SMYD3: variants seen among roughly 807,000 people sequenced by gnomAD.
SMYD3 encodes the protein histone-lysine N-methyltransferase SMYD3.
SMYD3 carries 36 observed loss-of-function variants against 57.7 expected under a neutral mutation model. The ratio of observed to expected loss-of-function variants is 0.62; its 90% CI spans 0.48 to 0.82. The LOEUF (loss-of-function observed/expected upper bound fraction) is 0.82. SMYD3 is among the 40% of genes least tolerant of loss of function. The pLI is 0.00. For missense variants in SMYD3, 515 were observed against 538.8 expected (o/e 0.96, Z 0.44); for synonymous variants, 211 against 195.0 (o/e 1.08, Z -0.68).
chr1:246,050,732 T>C (rs183583576), intron 5 of SMYD3, among the ~76,000 whole-genome samples: 85 of 152,298 alleles, frequency 5.6e-4, no homozygotes, highest in Non-Finnish European at 1.2e-3. Context: ...TGTTTGATTA[T>C]GCAGGTGCAC....
At chr1:246,036,714 C>G (rs796250555) in intron 5 of SMYD3, among the ~76,000 whole-genome samples, 16 of 78,238 alleles carry the variant, frequency 2.0e-4, no homozygotes, top group African/African-American at 1.1e-3. Context: ...CCACTAAGCC[C>G]GGCTAATTTT....
At chr1:246,249,884 A>G (rs1405228931) in intron 5 of SMYD3, among the ~76,000 whole-genome samples, 1 of 152,218 alleles carries the variant, frequency 6.6e-6, no homozygotes, top group Non-Finnish European at 1.5e-5. Flanking sequence ...TACTGTTTAT[A>G]TTAAACTTTA....
At chr1:246,444,828 G>A (rs1038070728) in intron 1 of SMYD3, among the ~76,000 whole-genome samples, 1 of 152,148 alleles carries the variant, frequency 6.6e-6, no homozygotes, top group African/African-American at 2.4e-5. Context: ...CAGTCATAAT[G>A]TTCTAAGAAT....
intron 1 of SMYD3, among the ~76,000 whole-genome samples, chr1:246,441,506 C>T (rs2067461444): frequency 6.6e-6 from 1 of 152,234 alleles, no homozygotes; most frequent in Non-Finnish European, 1.5e-5. Flanking sequence ...GCTTTCAAAT[C>T]TTCAAGAGAT....
intron 10 of SMYD3, among the ~76,000 whole-genome samples, chr1:245,851,023 G>T (rs2050945819): frequency 6.6e-6 from 1 of 152,084 alleles, no homozygotes; most frequent in Non-Finnish European, 1.5e-5. Flanking sequence ...TCTATATGAG[G>T]CTTTAAAATA....
intron 5 of SMYD3, among the ~76,000 whole-genome samples, chr1:246,171,229 A>G (rs1223927868): frequency 2.6e-5 from 4 of 152,194 alleles, no homozygotes; most frequent in African/African-American, 7.2e-5. Flanking sequence ...AAAAAAAGGT[A>G]TATTTCTTTT....
intron 1 of SMYD3, among the ~76,000 whole-genome samples, chr1:246,451,825 T>A (rs1467230605): frequency 6.6e-6 from 1 of 152,226 alleles, no homozygotes; most frequent in Non-Finnish European, 1.5e-5. Flanking sequence ...GTCAATAAAA[T>A]TTTTTTACTT....
chr1:245,876,745 A>G (rs2052507421), intron 8 of SMYD3, among the ~76,000 whole-genome samples: 1 of 152,220 alleles, frequency 6.6e-6, no homozygotes, highest in African/African-American at 2.4e-5. Flanking sequence ...CACAGCTGAG[A>G]TGTGGCCTCA....
chr1:246,392,656 C>T lies in SMYD3; in HGVS notation c.165-37562G>A, dbSNP rs186209744. Among the ~76,000 whole-genome samples the T allele has an allele frequency of 4.6e-5, 7 of 152,076 alleles. No individual in the cohort carries two copies. In the East Asian group the frequency reaches 1.4e-3, roughly 30 times the overall value. On this transcript the variant is annotated intron_variant, in intron 1 of 11. Transcript: ENST00000490107. ...AGAGATGTGGTCTCACTCTGTTGCC[C>T]AGGCTGGCCTTGAACTCCAGGCCTC...
chr1:245,864,278 G>A (rs186630657), intron 8 of SMYD3, among the ~76,000 whole-genome samples: 4 of 152,240 alleles, frequency 2.6e-5, no homozygotes, highest in Admixed American at 6.5e-5. Context: ...CAAGATAAAT[G>A]AACATGTATG....
At chr1:246,319,884 T>C (rs193160004) in intron 5 of SMYD3, among the ~76,000 whole-genome samples, 6 of 152,324 alleles carry the variant, frequency 3.9e-5, no homozygotes, top group African/African-American at 1.2e-4. Context: ...AAAAAAGTCA[T>C]TTAGTAATTT....
intron 8 of SMYD3, among the ~76,000 whole-genome samples, chr1:245,872,748 A>T (rs1229070052): frequency 1.3e-5 from 2 of 152,210 alleles, no homozygotes; most frequent in African/African-American, 4.8e-5. Context: ...CTGCAACTAC[A>T]AATTTCCACA....
intron 5 of SMYD3, among the ~76,000 whole-genome samples, chr1:246,078,901 G>A (rs1416821429): frequency 6.6e-6 from 1 of 152,136 alleles, no homozygotes; most frequent in Non-Finnish European, 1.5e-5. Context: ...CATGGTTCCA[G>A]GTACCAGAGA....
At chr1:246,064,114 C>T (rs952333228) in intron 5 of SMYD3, among the ~76,000 whole-genome samples, 1 of 152,198 alleles carries the variant, frequency 6.6e-6, no homozygotes, top group Non-Finnish European at 1.5e-5. Flanking sequence ...CTCCCTTCTT[C>T]CTGTCCTCAC....
chr1:245,779,147 G>C (rs892068136), intron 10 of SMYD3, among the ~76,000 whole-genome samples: 2 of 146,876 alleles, frequency 1.4e-5, no homozygotes, highest in African/African-American at 5.1e-5. Context: ...GTGACAGAGT[G>C]AGACACTGTC....
At chr1:246,267,157 A>T (rs1168848812) in intron 5 of SMYD3, among the ~76,000 whole-genome samples, 2 of 152,206 alleles carry the variant, frequency 1.3e-5, no homozygotes, top group Non-Finnish European at 2.9e-5. Context: ...TATTATAATA[A>T]ATGTGCATAG....
intron 5 of SMYD3, among the ~76,000 whole-genome samples, chr1:246,105,415 T>C (rs978684160): frequency 6.6e-6 from 1 of 152,178 alleles, no homozygotes; most frequent in African/African-American, 2.4e-5. Context: ...AATGTTATTG[T>C]ACAGACTCTA....
intron 8 of SMYD3, among the ~76,000 whole-genome samples, chr1:245,883,544 A>G (rs889034512): frequency 6.6e-6 from 1 of 152,220 alleles, no homozygotes; most frequent in African/African-American, 2.4e-5. Context: ...ACTGGAGTCA[A>G]GAAGTTTATT....
At position 246,186,469 on chromosome 1, in the gene SMYD3, G is replaced by A. The variant is rs930786718; in HGVS notation, c.531+140732C>T. Reference sequence around the variant, plus strand: ...CCTGATGGTTGAGTAGACAAAACATGCTCTTTTTTTTTTAATCATTTCAAA... The same window carrying A: ...CCTGATGGTTGAGTAGACAAAACATACTCTTTTTTTTTTAATCATTTCAAA... On this transcript the variant is annotated intron_variant, in intron 5 of 11. Coordinates refer to ENST00000490107, the MANE Select transcript of SMYD3 (RefSeq NM_001167740.2). 3.9e-5 allele frequency among the ~76,000 whole-genome samples: 6 copies of A among 152,088 alleles called. 1 individual carries two copies. In the Middle Eastern group the frequency reaches 0.014, roughly 347 times the overall value.
Sources: allele counts gnomAD v4.1 joint callset (sites outside exome capture counted in the v4.1 genomes callset), GRCh38; gene constraint gnomAD v4.1.1; transcripts MANE v1.5; gene names NCBI Gene and HGNC (gene_info 2026-07-23, HGNC 2026-07-21).